ADGRG4: variants seen among roughly 807,000 people sequenced by gnomAD.
The protein encoded by ADGRG4 is G protein-coupled receptor 112.
Under a neutral mutation model 126.2 loss-of-function variants are expected in ADGRG4, and 122 were observed. The observed-to-expected ratio is 0.97, with a 90% CI of 0.83 to 1.12. The LOEUF is 1.12. Among genes scored for constraint, ADGRG4 ranks in the 50% most tolerant of loss-of-function variants. The pLI is 0.00. For synonymous variants in ADGRG4, 943 were observed against 838.7 expected (o/e 1.12, Z -2.15); for missense variants, 2,481 against 2,251.8 (o/e 1.10, Z -2.06).
chrX:136,376,683 G>A (rs1274556247), intron 15 of ADGRG4, among the ~76,000 whole-genome samples: 1 of 109,154 alleles, frequency 9.2e-6, no homozygotes, highest in Non-Finnish European at 1.9e-5. Flanking sequence ...GTATTGTATT[G>A]TATTGTATTG....
chrX:136,353,256 G>T lies in ADGRG4; in HGVS notation c.6823-81G>T, dbSNP rs926573206. 6.2e-6 allele frequency: 4 copies of T among 644,913 alleles called. No homozygotes were observed. The African/African-American group carries it at 6.6e-5, about 11-fold the overall frequency. The allele number at this position is 644,913 out of a possible 1,213,427, so 53.1% of individuals were successfully genotyped here. ...GCTGAAATAATGAGTGCAGCTTAAT[G>T]ATCACACCATCCCAAGTGATTTTGC... On this transcript the variant is annotated intron_variant, in intron 7 of 25. Transcript: ENST00000394143.
At chrX:136,331,460 G>A (rs1214563735) in intron 5 of ADGRG4, among the ~76,000 whole-genome samples, 1 of 112,487 alleles carries the variant, frequency 8.9e-6, no homozygotes, top group Non-Finnish European at 1.9e-5. Context: ...CTGTCAGACT[G>A]TTTACAAACT....
Position 136,349,673 on chromosome X carries a change from A to G in ADGRG4, c.5967A>G (p.Pro1989=). 1 of 1,210,974 alleles carries G rather than the reference A, an allele frequency of 8.3e-7. No homozygotes were observed. Among genetic ancestry groups the G allele is most frequent in the Non-Finnish European group, 1.1e-6 (1 of 895,103 alleles). Residue 1989 remains proline (P), a synonymous_variant, in exon 6 of 26, where the codon CCA becomes CCG. Coordinates refer to ENST00000394143, the MANE Select transcript of ADGRG4 (RefSeq NM_153834.4). ...CTGTAACTCCTGGGACCACACTCCC[A>G]TCAATTCTTTCTGGTGCCACTTCAG... ...TTSVTPGTTL[P]SILSGATSGS... is the part of the protein sequence containing the mutation.
chrX:136,367,627 T>C (rs892998729), intron 13 of ADGRG4, among the ~76,000 whole-genome samples: 3 of 112,517 alleles, frequency 2.7e-5, no homozygotes, highest in Non-Finnish European at 3.7e-5. Context: ...GTAATGTATA[T>C]AACTGAAAAG....
intron 15 of ADGRG4, among the ~76,000 whole-genome samples, chrX:136,385,330 T>G (rs1348997179): frequency 8.9e-6 from 1 of 111,940 alleles, no homozygotes; most frequent in African/African-American, 3.2e-5. Context: ...TATGTTAATT[T>G]GCTTCACTAT....
At chrX:136,303,943 T>C (rs1009990219) in intron 1 of ADGRG4, among the ~76,000 whole-genome samples, 190 bp from the exon 2 acceptor site, 13 of 111,262 alleles carry the variant, frequency 1.2e-4, no homozygotes, top group Non-Finnish European at 2.5e-4. Flanking sequence ...CAGCCCTCTC[T>C]GTGGGAGGAC....
chrX:136,389,007 G>C (rs1187399174), intron 16 of ADGRG4, among the ~76,000 whole-genome samples: 1 of 111,980 alleles, frequency 8.9e-6, no homozygotes, highest in African/African-American at 3.2e-5. Context: ...TTTTGTGGGA[G>C]GTTGCACTGG....
rs2075050373 is a variant in ADGRG4, at chrX:136,350,014, C to T, written c.6308C>T (p.Thr2103Ile). The change falls in exon 6 of 26, where the codon ACA becomes ATA. Residue 2103 changes from threonine (T) to isoleucine (I), a missense_variant. Physicochemically the swap from Thr to Ile is moderately conservative, Grantham distance 89. Coordinates refer to ENST00000394143, the MANE Select transcript of ADGRG4 (RefSeq NM_153834.4). The part of the protein sequence containing the change: ...NVTDDIVYIS[T>I]HPEASSRTTI... ...ACAGATGACATTGTGTACATTTCCA[C>T]ACACCCTGAGGCATCCTCCAGAACC... 8.3e-7 allele frequency: 1 copy of T among 1,210,514 alleles called. No individual in the cohort carries two copies. The highest frequency in any genetic ancestry group is 1.8e-5 in the South Asian group (1 of 56,948).
At chrX:136,319,641 T>A (rs778649846) in intron 4 of ADGRG4, among the ~76,000 whole-genome samples, 1 of 111,281 alleles carries the variant, frequency 9.0e-6, no homozygotes, top group South Asian at 3.9e-4. Context: ...ACATTTCTGC[T>A]TATGTCTAAG....
rs373699926 is a variant in ADGRG4, at chrX:136,345,523, G to A, written c.1817G>A (p.Arg606Gln). 38 of 1,208,190 alleles carry A rather than the reference G, an allele frequency of 3.1e-5. No individual in the cohort carries two copies. In the East Asian group the frequency reaches 5.6e-4, roughly 18 times the overall value. The change falls in exon 6 of 26, where the codon CGA becomes CAA. Residue 606 changes from arginine (R) to glutamine (Q), a missense_variant. Transcript: ENST00000394143. Reference sequence around the variant, plus strand: ...ATGCTTTCCTCCACAATCACAGGACGAGTTTACACCCAGAATACACCTACA... The same window carrying A: ...ATGCTTTCCTCCACAATCACAGGACAAGTTTACACCCAGAATACACCTACA... Reference protein sequence around the residue: ...ETMLSSTITGRVYTQNTPTAD... With the variant: ...ETMLSSTITGQVYTQNTPTAD...
Position 136,350,080 on chromosome X carries a change from C to G in ADGRG4, c.6374C>G (p.Ser2125Cys). ...ANPRTVSHPS[S>C]FSRKTMSPST... Reference sequence around the variant, plus strand: ...CCCAGGACTGTGTCTCATCCTTCATCCTTCAGCAGAAAGACTATGTCACCT... The same window carrying G: ...CCCAGGACTGTGTCTCATCCTTCATGCTTCAGCAGAAAGACTATGTCACCT... The change falls in exon 6 of 26, where the codon TCC becomes TGC. Residue 2125 changes from serine (S) to cysteine (C), a missense_variant. Transcript: ENST00000394143. The G allele has an allele frequency of 8.3e-7, 1 of 1,210,482 alleles. No homozygotes were observed. Among genetic ancestry groups the G allele is most frequent in the Non-Finnish European group, 1.1e-6 (1 of 894,508 alleles).
At chrX:136,384,912 T>C in intron 15 of ADGRG4, among the ~76,000 whole-genome samples, 1 of 111,292 alleles carries the variant, frequency 9.0e-6, no homozygotes, top group Non-Finnish European at 1.9e-5. Context: ...TCTTTGTACT[T>C]ATCCTGCTAA....
intron 21 of ADGRG4, among the ~76,000 whole-genome samples, chrX:136,401,766 G>C (rs947114335): frequency 8.9e-5 from 10 of 112,137 alleles, no homozygotes; most frequent in African/African-American, 3.2e-4. Flanking sequence ...GTTTTGAATG[G>C]AAGTGATACT....
intron 9 of ADGRG4, 123 bp downstream of exon 9, chrX:136,356,288 C>A: frequency 2.5e-6 from 1 of 399,436 alleles, no homozygotes; most frequent in South Asian, 9.1e-5. Flanking sequence ...AATTGGGGGT[C>A]AAATTACATT....
Position 136,361,539 on chromosome X carries a change from C to G in ADGRG4, c.7229C>G (p.Ala2410Gly), listed in dbSNP as rs368744596. 7 of 1,186,415 alleles carry G rather than the reference C, an allele frequency of 5.9e-6. No individual in the cohort carries two copies. The highest frequency in any genetic ancestry group is 7.9e-6 in the Non-Finnish European group (7 of 881,623). The change falls in exon 12 of 26, where the codon GCC becomes GGC. Residue 2410 changes from alanine (A) to glycine (G), a missense_variant. By Grantham distance (60) the Ala-to-Gly change is moderately conservative. Transcript: ENST00000394143. ...CTATTAACCAACCCTACGGAGACAG[C>G]CCAAACCAGATGCATAAAAAATGAG... ...KWLLTNPTET[A>G]QTRCIKNEDG...
intron 5 of ADGRG4, among the ~76,000 whole-genome samples, chrX:136,343,581 C>T (rs973772707): frequency 1.8e-5 from 2 of 111,107 alleles, no homozygotes; most frequent in African/African-American, 3.3e-5. Flanking sequence ...TAGGAGAAAA[C>T]GCAGGAGTGT....
chrX:136,376,628 GTATTGTATT>G (rs1569331887), intron 15 of ADGRG4, among the ~76,000 whole-genome samples: 87 of 27,959 alleles, frequency 3.1e-3, no homozygotes, highest in Non-Finnish European at 5.5e-3. Flanking sequence ...ATATTCCTGG[GTATTGTATT>G]GTATTGTATT....
intron 9 of ADGRG4, 70 bp from the exon 10 acceptor site, chrX:136,357,634 A>G: frequency 5.5e-6 from 4 of 732,551 alleles, no homozygotes; most frequent in East Asian, 3.3e-5. Flanking sequence ...GTTGTTAACA[A>G]TAAGCCCTGT....
Position 136,395,513 on chromosome X carries a change from C to A in ADGRG4, c.8184+20C>A. The A allele has an allele frequency of 1.1e-6, 1 of 936,482 alleles. No homozygotes were observed. Among genetic ancestry groups the A allele is most frequent in the Non-Finnish European group, 1.5e-6 (1 of 654,662 alleles). 77.2% of individuals were successfully genotyped at this position (936,482 alleles called of 1,213,427 possible). ...TTAATGGTGAGTTGTCTCTTAGTCA[C>A]TCCTCGATGGAAGTTTGACAATTTT... On this transcript the variant is annotated intron_variant, in intron 19 of 25. Transcript: ENST00000394143.
Sources: allele counts gnomAD v4.1 joint callset (sites outside exome capture counted in the v4.1 genomes callset), GRCh38; gene constraint gnomAD v4.1.1; transcripts MANE v1.5; gene names NCBI Gene and HGNC (gene_info 2026-07-23, HGNC 2026-07-21).